The following PTPRS variants were observed in gnomAD, a reference collection of about 807,000 sequenced individuals.
PTPRS encodes the protein receptor-type tyrosine-protein phosphatase S.
A neutral mutation model predicts 215.3 loss-of-function variants in PTPRS; 63 were observed. The ratio of observed to expected loss-of-function variants is 0.29; its 90% CI spans 0.24 to 0.36. The LOEUF (loss-of-function observed/expected upper bound fraction) is 0.36. Among genes scored for constraint, PTPRS ranks in the 10% least tolerant of loss-of-function variants. PTPRS has a pLI of 1.00. For synonymous variants in PTPRS, 1,404 were observed against 1,191.4 expected (o/e 1.18, Z -3.68); for missense variants, 2,258 against 2,825.8 (o/e 0.80, Z 4.56).
rs536407013 is a variant in PTPRS, at chr19:5,293,025, G to A, written c.-94-6791C>T. ...CGGCCGGCACGGTCAGGCCCGCGCTGGGCTGTGGGGACCCCCGTGGTCCCC... is the reference window on the plus strand; with the variant it reads ...CGGCCGGCACGGTCAGGCCCGCGCTAGGCTGTGGGGACCCCCGTGGTCCCC... On this transcript the variant is annotated intron_variant, in intron 1 of 37. Transcript: ENST00000262963. The surrounding 1 kb of genome is among the most constrained non-coding windows in gnomAD (Gnocchi z 8.4). 133 of 152,276 alleles carry A rather than the reference G, an allele frequency of 8.7e-4. No homozygotes were observed. The highest frequency in any genetic ancestry group is 3.4e-3 in the Middle Eastern group (1 of 292). 9.4% of individuals were successfully genotyped at this position (152,276 alleles called of 1,614,324 possible).
In PTPRS at chr19:5,215,435, G is replaced by A. The variant is rs780695578; in HGVS notation, c.4195-23C>T. 2.1e-5 allele frequency: 33 copies of A among 1,606,888 alleles called. No individual in the cohort carries two copies. In the African/African-American group the frequency reaches 2.1e-4, roughly 10 times the overall value. On this transcript the variant is annotated intron_variant, in intron 27 of 37. Coordinates refer to ENST00000262963, the MANE Select transcript of PTPRS (RefSeq NM_002850.4). ...GGACTACAGAGGAAGGGGAGAGCGC[G>A]GGTGTCAGGGTAGGTGCCTGTGAGG...
rs1327973096 is a variant in PTPRS at position 5,265,213 on chromosome 19, G to A, written c.380-17C>T. The A allele has an allele frequency of 6.2e-7, 1 of 1,606,934 alleles. No individual in the cohort carries two copies. The highest frequency in any genetic ancestry group is 1.3e-5 in the African/African-American group (1 of 74,760). On this transcript the variant is annotated splice_polypyrimidine_tract_variant and intron_variant, in intron 4 of 37. Coordinates refer to ENST00000262963, the MANE Select transcript of PTPRS (RefSeq NM_002850.4). ...GCTGGTCCTCTGAGGGCAGAGACGTGAGAGAAATGGGCATGGTTCTGAGCA... is the reference window on the plus strand; with the variant it reads ...GCTGGTCCTCTGAGGGCAGAGACGTAAGAGAAATGGGCATGGTTCTGAGCA...
intron 1 of PTPRS, among the ~76,000 whole-genome samples, chr19:5,297,791 C>CTT (rs373472522): frequency 5.4e-4 from 71 of 131,380 alleles, no homozygotes; most frequent in African/African-American, 9.5e-4. Context: ...CTTTTCTTTT[C>CTT]TTTTTTTTTT....
At chr19:5,258,181 C>G (rs757067137) in intron 7 of PTPRS, 54 bp from the exon 8 acceptor site, 2 of 1,446,828 alleles carry the variant, frequency 1.4e-6, no homozygotes, top group Non-Finnish European at 1.9e-6. Context: ...CAGGAGTGAA[C>G]AGGGAAAGCT....
chr19:5,277,691 C>T (rs529984309), intron 2 of PTPRS: 151 of 541,770 alleles, frequency 2.8e-4, no homozygotes, highest in African/African-American at 2.6e-3. Context: ...CTCCCTTCCT[C>T]GGCGCTGCCT....
chr19:5,254,069 T>C (rs906948551), intron 9 of PTPRS, among the ~76,000 whole-genome samples: 1 of 152,166 alleles, frequency 6.6e-6, no homozygotes, highest in African/African-American at 2.4e-5. Flanking sequence ...TTCTGGGCTG[T>C]ACTGCCCAGA....
chr19:5,239,266 G>C (rs1360738899), intron 12 of PTPRS, among the ~76,000 whole-genome samples: 1 of 151,724 alleles, frequency 6.6e-6, no homozygotes, highest in African/African-American at 2.4e-5. Context: ...GAGAGAGGTA[G>C]AGACAGAGAT....
At chr19:5,273,733 A>C in intron 3 of PTPRS, 150 bp from the exon 4 acceptor site, 1 of 1,011,498 alleles carries the variant, frequency 9.9e-7, no homozygotes, top group Non-Finnish European at 1.4e-6. Context: ...CTGAATGTGC[A>C]CGTGTGTCGG....
At chr19:5,212,789 G>C (rs1003664405) in intron 30 of PTPRS, among the ~76,000 whole-genome samples, 1 of 151,844 alleles carries the variant, frequency 6.6e-6, no homozygotes, top group African/African-American at 2.4e-5. Flanking sequence ...ATTGCAGTGA[G>C]CTGAGATGGC....
intron 1 of PTPRS, among the ~76,000 whole-genome samples, chr19:5,337,410 C>T (rs2050540751): frequency 6.6e-6 from 1 of 152,178 alleles, no homozygotes; most frequent in Admixed American, 6.5e-5. Flanking sequence ...CGTCCCTGCC[C>T]GTCCCTCTCC....
chr19:5,254,741 G>C (rs747360140), intron 9 of PTPRS, among the ~76,000 whole-genome samples: 4 of 152,166 alleles, frequency 2.6e-5, no homozygotes, highest in Non-Finnish European at 5.9e-5. Context: ...AGAGGGGATG[G>C]GGGAAGCAGC....
intron 30 of PTPRS, among the ~76,000 whole-genome samples, chr19:5,213,994 C>T (rs1423794814): frequency 6.6e-6 from 1 of 152,260 alleles, no homozygotes; most frequent in Non-Finnish European, 1.5e-5. Context: ...TGTCTGGAGA[C>T]TCCTTGAAGG....
At chr19:5,224,941 G>T (rs2042341609) in intron 17 of PTPRS, among the ~76,000 whole-genome samples, 1 of 152,062 alleles carries the variant, frequency 6.6e-6, no homozygotes, top group Non-Finnish European at 1.5e-5. Context: ...TGGGATGAAG[G>T]CCACAGAAGT....
chr19:5,232,167 C>G (rs985281688), intron 13 of PTPRS, among the ~76,000 whole-genome samples: 4 of 149,402 alleles, frequency 2.7e-5, no homozygotes, highest in African/African-American at 9.9e-5. Flanking sequence ...TGTGCCAGCA[C>G]CAAGGGCTTC....
chr19:5,313,568 C>T (rs574274259), intron 1 of PTPRS, among the ~76,000 whole-genome samples: 7 of 152,254 alleles, frequency 4.6e-5, no homozygotes, highest in East Asian at 1.9e-4. Context: ...CCAGAGTCAA[C>T]GGGGACCTCC....
rs1476442818 is a variant in PTPRS at position 5,293,324 on chromosome 19, T to G, written c.-94-7090A>C. On this transcript the variant is annotated intron_variant, in intron 1 of 37. Transcript: ENST00000262963. The surrounding 1 kb of genome is among the most constrained non-coding windows in gnomAD (Gnocchi z 8.4). ...GGGGCTGTAGGGGGCGGGGTTGCAG[T>G]GGGCGGGGCTGCAGGGGACGGGCCC... The G allele has an allele frequency of 6.9e-5, 2 of 28,794 alleles. No individual in the cohort carries two copies. The highest frequency in any genetic ancestry group is 2.9e-4 in the African/African-American group (2 of 6,984). 1.8% of individuals were successfully genotyped at this position (28,794 alleles called of 1,614,324 possible). A position where few individuals can be genotyped will look rare whatever the true frequency, so the allele number is the denominator to read the frequency against.
At chr19:5,256,017 TG>T in intron 9 of PTPRS, 90 bp downstream of exon 9, 1 of 1,091,962 alleles carries the variant, frequency 9.2e-7, no homozygotes, top group Non-Finnish European at 1.3e-6. Context: ...TGTGTCCGTG[TG>T]GTGTCTACAT....
intron 2 of PTPRS, chr19:5,278,268 G>A (rs1453038073): frequency 5.5e-6 from 2 of 360,978 alleles, no homozygotes; most frequent in Non-Finnish European, 1.0e-5. Context: ...GCCCAGGCTG[G>A]AGTGCAATGG....
In PTPRS at chr19:5,231,554, T is replaced by C; in HGVS notation, c.1911A>G (p.Val637=). Reference sequence around the variant, plus strand: ...TTTCCGGCGGCGGCGGGCGCCAACTTACCAAAATGGCCGTGGAGCGCACGC... The same window carrying C: ...TTTCCGGCGGCGGCGGGCGCCAACTCACCAAAATGGCCGTGGAGCGCACGC... ...CVSVRSTAIL[V]SWRPPPPETH... is the part of the protein sequence containing the mutation. The change falls in exon 14 of 38, where the codon GTA becomes GTG. Residue 637 remains valine (V), a synonymous_variant. Coordinates refer to ENST00000262963, the MANE Select transcript of PTPRS (RefSeq NM_002850.4). 1 of 1,606,946 alleles carries C rather than the reference T, an allele frequency of 6.2e-7. No homozygotes were observed. Among genetic ancestry groups the C allele is most frequent in the East Asian group, 2.2e-5 (1 of 44,540 alleles).
Sources: gnomAD v4.1 joint callset for allele counts (sites outside exome capture counted in the v4.1 genomes callset) on GRCh38, gnomAD v4.1.1 for gene constraint, Gnocchi (gnomAD v3.1) non-coding constraint, MANE v1.5 for transcripts, NCBI Gene and HGNC (gene_info 2026-07-23, HGNC 2026-07-21) for gene names.